Variants in DIXDC1 observed in about 807,000 individuals in gnomAD.
The protein encoded by DIXDC1 is dixin.
A neutral mutation model predicts 103.1 loss-of-function variants in DIXDC1; 64 were observed. That is an observed-to-expected ratio of 0.62 (90% confidence interval 0.51 to 0.76). DIXDC1 has a LOEUF of 0.76. Ranked by LOEUF, DIXDC1 falls within the 30% of genes least tolerant of loss-of-function variation. The pLI, the probability that DIXDC1 is intolerant of heterozygous loss-of-function variation, is 0.00. For synonymous variants in DIXDC1, 266 were observed against 298.5 expected (o/e 0.89, Z 1.12); for missense variants, 759 against 834.2 (o/e 0.91, Z 1.11).
intron 9 of DIXDC1, among the ~76,000 whole-genome samples, chr11:111,987,769 C>T (rs1566536207): frequency 6.6e-6 from 1 of 151,194 alleles, no homozygotes; most frequent in Admixed American, 6.6e-5. Flanking sequence ...AAGCGATTCT[C>T]CTGCCTCAGC....
intron 1 of DIXDC1, among the ~76,000 whole-genome samples, chr11:111,955,987 T>TACACACACACACACACACACACAC (rs71461600): frequency 2.8e-5 from 4 of 142,624 alleles, no homozygotes; most frequent in African/African-American, 1.0e-4. Flanking sequence ...TATATATGTG[T>TACACACACACACACACACACACAC]ACACACACAC....
intron 17 of DIXDC1, among the ~76,000 whole-genome samples, chr11:112,009,911 G>GC (rs1299734787): frequency 6.6e-6 from 1 of 152,178 alleles, no homozygotes; most frequent in Non-Finnish European, 1.5e-5. Flanking sequence ...AGACAGGGAT[G>GC]CCCTCTCTCA....
chr11:111,977,278 AGGGAGGGAGCAGAG>A lies in DIXDC1; in HGVS notation c.656+2298_656+2311del. 2 of 1,013,758 alleles carry A rather than the reference AGGGAGGGAGCAGAG, an allele frequency of 2.0e-6. No individual in the cohort carries two copies. Among genetic ancestry groups the A allele is most frequent in the Non-Finnish European group, 2.4e-6 (2 of 847,992 alleles). The allele number at this position is 1,013,758 out of a possible 1,614,324, so 62.8% of individuals were successfully genotyped here. A position where few individuals can be genotyped will look rare whatever the true frequency, so the allele number is the denominator to read the frequency against. ...GCTGCCTCGCCGCGTGTGACAGCCC[AGGGAGGGAGCAGAG>A]GGTGGGGCGGGGAGGGATCCGGAAG... On this transcript the variant is annotated intron_variant, in intron 5 of 19. Transcript: ENST00000440460. This position sits in a 1 kb window ranked among gnomAD's most constrained non-coding sequence, Gnocchi z 6.1.
At chr11:111,985,368 A>T (rs1566531658) in intron 8 of DIXDC1, 47 bp downstream of exon 8, 1 of 1,485,690 alleles carries the variant, frequency 6.7e-7, no homozygotes, top group Admixed American at 1.9e-5. Flanking sequence ...TATGTATTTT[A>T]CTTGTATTTA....
intron 14 of DIXDC1, among the ~76,000 whole-genome samples, chr11:111,994,398 TAC>T (rs1555175022): frequency 4.0e-5 from 6 of 149,604 alleles, no homozygotes; most frequent in Middle Eastern, 3.5e-3. Flanking sequence ...AAACAAAACA[TAC>T]ATATATATAT....
intron 1 of DIXDC1, among the ~76,000 whole-genome samples, chr11:111,953,066 A>G (rs186291859): frequency 5.1e-4 from 77 of 152,324 alleles, no homozygotes; most frequent in Middle Eastern, 3.4e-3. Context: ...AATTAAATCA[A>G]GTGAATCAAA....
chr11:111,932,348 A>G (rs142327314), upstream of DIXDC1, among the ~76,000 whole-genome samples: 22 of 151,914 alleles, frequency 1.4e-4, 1 homozygote, highest in African/African-American at 5.3e-4. Flanking sequence ...ACTGGCAGAT[A>G]ACTTTTGAAA....
chr11:111,933,209 A>G (rs1017696666), upstream of DIXDC1, among the ~76,000 whole-genome samples: 18 of 150,692 alleles, frequency 1.2e-4, no homozygotes, highest in Admixed American at 1.1e-3. Context: ...GCTCACCTCA[A>G]CCTCCACCTC....
chr11:111,983,960 G>C (rs1479475520), intron 7 of DIXDC1, among the ~76,000 whole-genome samples: 3 of 152,160 alleles, frequency 2.0e-5, no homozygotes, highest in Non-Finnish European at 4.4e-5. Context: ...AGAACCCTTT[G>C]AACAGTTTGC....
Position 111,977,376 on chromosome 11 carries a change from C to G in DIXDC1, c.656+2393C>G, listed in dbSNP as rs1424702316. On this transcript the variant is annotated intron_variant, in intron 5 of 19. Coordinates refer to ENST00000440460, the MANE Select transcript of DIXDC1 (RefSeq NM_001037954.4). The surrounding 1 kb of genome is among the most constrained non-coding windows in gnomAD (Gnocchi z 6.1). Reference sequence around the variant, plus strand: ...AGGCGCAGCCTGCGCCGCCGGGAGCCTCCCTCCCAGTGGGAGATGGGTTGA... The same window carrying G: ...AGGCGCAGCCTGCGCCGCCGGGAGCGTCCCTCCCAGTGGGAGATGGGTTGA... The G allele has an allele frequency of 9.3e-7, 1 of 1,079,784 alleles. No individual in the cohort carries two copies. Among genetic ancestry groups the G allele is most frequent in the Non-Finnish European group, 1.1e-6 (1 of 889,744 alleles). 66.9% of individuals were successfully genotyped at this position (1,079,784 alleles called of 1,614,324 possible). A position where few individuals can be genotyped will look rare whatever the true frequency, so the allele number is the denominator to read the frequency against.
chr11:112,019,394 T>G lies in DIXDC1; in HGVS notation c.*358T>G. On this transcript the variant is annotated 3_prime_UTR_variant, in exon 20 of 20. Transcript: ENST00000440460. ...TGGAAATTAGGAATTGGATGCATCA[T>G]TCCTGTGTGTTACAGTATTATTTTA... is the stretch of plus-strand genomic sequence containing the variant. The G allele has an allele frequency of 6.1e-6, 1 of 162,938 alleles. No individual in the cohort carries two copies. The allele number at this position is 162,938 out of a possible 1,614,324, so 10.1% of individuals were successfully genotyped here. A position where few individuals can be genotyped will look rare whatever the true frequency, so the allele number is the denominator to read the frequency against.
In DIXDC1 at chr11:111,958,407, C is replaced by T. The variant is rs1555170753; in HGVS notation, c.61-6142C>T. On this transcript the variant is annotated intron_variant, in intron 1 of 19. Transcript: ENST00000440460. This position sits in a 1 kb window ranked among gnomAD's most constrained non-coding sequence, Gnocchi z 4.2. ...CTGCCTGGCCTCTCCCGACTCCCTG[C>T]ACCTGCTCCGATCTTGGAGCAAAGT... 1.3e-5 allele frequency among the ~76,000 whole-genome samples: 2 copies of T among 152,246 alleles called. No homozygotes were observed.
At position 112,019,996 on chromosome 11, in the gene DIXDC1, A is replaced by T. The variant is rs1347539760; in HGVS notation, c.*960A>T. The T allele has an allele frequency of 6.6e-6, 1 of 152,206 alleles. No homozygotes were observed. The highest frequency in any genetic ancestry group is 1.5e-5 in the Non-Finnish European group (1 of 68,040). 9.4% of individuals were successfully genotyped at this position (152,206 alleles called of 1,614,324 possible). Reference sequence around the variant, plus strand: ...GATTTATAAGTACTGAGCATGAAGTACTTGTCTGCCCCTCATTTCAAGGCC... The same window carrying T: ...GATTTATAAGTACTGAGCATGAAGTTCTTGTCTGCCCCTCATTTCAAGGCC... On this transcript the variant is annotated 3_prime_UTR_variant, in exon 20 of 20. Transcript: ENST00000440460.
At chr11:111,975,049 A>G (rs1860054442) in intron 5 of DIXDC1, 66 bp downstream of exon 5, 1 of 1,555,012 alleles carries the variant, frequency 6.4e-7, no homozygotes, top group Admixed American at 1.9e-5. Flanking sequence ...AAGTAACAAT[A>G]CAACAAGCAA....
intron 17 of DIXDC1, among the ~76,000 whole-genome samples, chr11:112,008,402 G>C (rs184712351): frequency 7.9e-5 from 12 of 151,786 alleles, no homozygotes; most frequent in African/African-American, 2.4e-4. Flanking sequence ...TTAGATCAAC[G>C]AGACAGATTA....
intron 5 of DIXDC1, chr11:111,975,607 T>C: frequency 8.1e-6 from 8 of 986,098 alleles, no homozygotes; most frequent in Non-Finnish European, 9.6e-6. Context: ...ATTACTTTAC[T>C]GGCTCATGTA....
chr11:112,019,671 T>A lies in DIXDC1; in HGVS notation c.*635T>A, dbSNP rs1555178207. ...CTAAAACTGTAATTTAGTAAGACCTTGGGCTGCCTCTTCTGTCTTAACTGG... is the reference window on the plus strand; with the variant it reads ...CTAAAACTGTAATTTAGTAAGACCTAGGGCTGCCTCTTCTGTCTTAACTGG... On this transcript the variant is annotated 3_prime_UTR_variant, in exon 20 of 20. Coordinates refer to ENST00000440460, the MANE Select transcript of DIXDC1 (RefSeq NM_001037954.4). The A allele has an allele frequency of 6.5e-6, 1 of 152,680 alleles. No individual in the cohort carries two copies. Among genetic ancestry groups the A allele is most frequent in the Non-Finnish European group, 1.5e-5 (1 of 68,072 alleles). The allele number at this position is 152,680 out of a possible 1,614,324, so 9.5% of individuals were successfully genotyped here.
Position 112,022,307 on chromosome 11 carries a change from T to C in DIXDC1, c.*3271T>C, listed in dbSNP as rs1292253310. 6.6e-6 allele frequency: 1 copy of C among 152,240 alleles called. No homozygotes were observed. The highest frequency in any genetic ancestry group is 2.4e-5 in the African/African-American group (1 of 41,464). The allele number at this position is 152,240 out of a possible 1,614,324, so 9.4% of individuals were successfully genotyped here. A position where few individuals can be genotyped will look rare whatever the true frequency, so the allele number is the denominator to read the frequency against. On this transcript the variant is annotated 3_prime_UTR_variant, in exon 20 of 20. Coordinates refer to ENST00000440460, the MANE Select transcript of DIXDC1 (RefSeq NM_001037954.4). The surrounding 1 kb of genome is among the most constrained non-coding windows in gnomAD (Gnocchi z 4.9). Reference sequence around the variant, plus strand: ...AAGCATTATGATTGCACACTCCTTCTACTGTCTGAATTTATGTAAGAGGTA... The same window carrying C: ...AAGCATTATGATTGCACACTCCTTCCACTGTCTGAATTTATGTAAGAGGTA...
chr11:111,939,672 ATTCT>A (rs782666931), intron 1 of DIXDC1, among the ~76,000 whole-genome samples: 1 of 152,190 alleles, frequency 6.6e-6, no homozygotes, highest in Non-Finnish European at 1.5e-5. Flanking sequence ...AGTTTAAATA[ATTCT>A]TTCACATTCT....
Sources: gnomAD v4.1 joint callset for allele counts (sites outside exome capture counted in the v4.1 genomes callset) on GRCh38, gnomAD v4.1.1 for gene constraint, Gnocchi (gnomAD v3.1) non-coding constraint, MANE v1.5 for transcripts, NCBI Gene and HGNC (gene_info 2026-07-23, HGNC 2026-07-21) for gene names.